Variants in CLIP4 observed in about 807,000 individuals in gnomAD.
CLIP4 encodes CAP-Gly domain-containing linker protein 4.
CLIP4 carries 47 observed loss-of-function variants against 73.1 expected under a neutral mutation model. The ratio of observed to expected loss-of-function variants is 0.64; its 90% CI spans 0.51 to 0.82. The LOEUF (loss-of-function observed/expected upper bound fraction) is 0.82, where lower values mean the gene tolerates loss of function less well. Ranked by LOEUF, CLIP4 falls within the 40% of genes least tolerant of loss-of-function variation. The pLI, the probability that CLIP4 is intolerant of heterozygous loss-of-function variation, is 0.00. For missense variants in CLIP4, 874 were observed against 852.9 expected (o/e 1.02, Z -0.31); for synonymous variants, 306 against 295.4 (o/e 1.04, Z -0.37).
At chr2:29,154,662 A>C (rs774241943) in intron 9 of CLIP4, among the ~76,000 whole-genome samples, 4 of 152,178 alleles carry the variant, frequency 2.6e-5, no homozygotes, top group Non-Finnish European at 5.9e-5. Flanking sequence ...GGGACTCAAG[A>C]AAGAGGCCTC....
At chr2:29,168,524 T>C (rs947235810) in intron 14 of CLIP4, among the ~76,000 whole-genome samples, 10 of 124,294 alleles carry the variant, frequency 8.0e-5, no homozygotes, top group Admixed American at 3.1e-4. Context: ...TTTTTTTTTT[T>C]TTTTTTTTTT....
intron 2 of CLIP4, among the ~76,000 whole-genome samples, chr2:29,125,370 T>C (rs1207235166): frequency 2.0e-5 from 3 of 152,200 alleles, no homozygotes; most frequent in African/African-American, 4.8e-5. Flanking sequence ...CACAAGCATA[T>C]GATGAATAGT....
At chr2:29,106,138 G>T (rs771038645) in intron 1 of CLIP4, among the ~76,000 whole-genome samples, 7 of 150,576 alleles carry the variant, frequency 4.6e-5, no homozygotes, top group Non-Finnish European at 1.0e-4. Flanking sequence ...TTTACTATGT[G>T]ATCTTGGATA....
intron 15 of CLIP4, among the ~76,000 whole-genome samples, chr2:29,181,026 A>G (rs1416022725): frequency 6.6e-6 from 1 of 152,162 alleles, no homozygotes; most frequent in Admixed American, 6.5e-5. Context: ...CTTGCCTGCA[A>G]CAGTTGAAAA....
intron 2 of CLIP4, among the ~76,000 whole-genome samples, chr2:29,124,309 C>G (rs1233011538): frequency 1.1e-4 from 16 of 152,150 alleles, no homozygotes; most frequent in Non-Finnish European, 1.5e-5. Flanking sequence ...CTTGAAAGAT[C>G]TTGCTCTGCT....
intron 8 of CLIP4, among the ~76,000 whole-genome samples, chr2:29,148,462 T>C (rs1666319943): frequency 6.6e-6 from 1 of 152,202 alleles, no homozygotes; most frequent in African/African-American, 2.4e-5. Flanking sequence ...TACTTGGTGG[T>C]ATTACTGTTT....
At chr2:29,147,602 C>G (rs979673535) in intron 8 of CLIP4, among the ~76,000 whole-genome samples, 1 of 151,366 alleles carries the variant, frequency 6.6e-6, no homozygotes, top group Non-Finnish European at 1.5e-5. Context: ...ATAATTGTAC[C>G]TATTTATGGG....
intron 15 of CLIP4, 104 bp from the exon 16 acceptor site, chr2:29,181,468 A>G (rs2148126431): frequency 2.1e-6 from 2 of 930,684 alleles, no homozygotes; most frequent in East Asian, 2.6e-5. Context: ...TCTTTTGGGA[A>G]CTGAGTGAAT....
intron 2 of CLIP4, chr2:29,130,830 C>CA (rs890114961): frequency 2.3e-6 from 3 of 1,288,622 alleles, no homozygotes; most frequent in Admixed American, 2.3e-5. Flanking sequence ...AAAGCAAAAA[C>CA]AAAAAAACCT....
In CLIP4 at chr2:29,156,347, G is replaced by A; in HGVS notation, c.1166-7G>A. Reference sequence around the variant, plus strand: ...CTTGCTTAAAGTGTTTTATTTTTGTGTCCAAGGATTAATGACATCAAAAAA... The same window carrying A: ...CTTGCTTAAAGTGTTTTATTTTTGTATCCAAGGATTAATGACATCAAAAAA... On this transcript the variant is annotated splice_region_variant and splice_polypyrimidine_tract_variant and intron_variant, in intron 9 of 15. Transcript: ENST00000320081. 1.3e-6 allele frequency: 2 copies of A among 1,555,488 alleles called. No homozygotes were observed. The highest frequency in any genetic ancestry group is 1.7e-6 in the Non-Finnish European group (2 of 1,158,668).
At chr2:29,153,715 C>A (rs900679656) in intron 9 of CLIP4, among the ~76,000 whole-genome samples, 2 of 152,152 alleles carry the variant, frequency 1.3e-5, no homozygotes, top group African/African-American at 4.8e-5. Context: ...AAGCTCTCTA[C>A]CAGGATGAAA....
intron 4 of CLIP4, among the ~76,000 whole-genome samples, chr2:29,133,032 T>G (rs1423920856): frequency 6.6e-6 from 1 of 151,782 alleles, no homozygotes; most frequent in Non-Finnish European, 1.5e-5. Context: ...TACAAAAAAT[T>G]AAAAAATTAG....
chr2:29,149,401 TC>T (rs1666389528), intron 8 of CLIP4, among the ~76,000 whole-genome samples: 1 of 140,510 alleles, frequency 7.1e-6, no homozygotes, highest in Non-Finnish European at 1.5e-5. Context: ...TAGTATTTTT[TC>T]TCCTTTTCTT....
At chr2:29,167,360 T>A in intron 13 of CLIP4, 116 bp from the exon 14 acceptor site, 1 of 558,726 alleles carries the variant, frequency 1.8e-6, no homozygotes, top group Non-Finnish European at 3.1e-6. Context: ...AAATGGACCC[T>A]CCATAAATAT....
chr2:29,149,551 A>G (rs1666406956), intron 8 of CLIP4, among the ~76,000 whole-genome samples: 1 of 152,012 alleles, frequency 6.6e-6, no homozygotes, highest in South Asian at 2.1e-4. Flanking sequence ...TGTCTTTCCA[A>G]ATAATTCATC....
intron 2 of CLIP4, among the ~76,000 whole-genome samples, chr2:29,123,177 A>C (rs17007568): frequency 0.046 from 6,962 of 151,624 alleles, 479 homozygotes; most frequent in African/African-American, 0.15. Context: ...TTAGCCTGAA[A>C]CTCCTTAGGC....
intron 1 of CLIP4, among the ~76,000 whole-genome samples, chr2:29,109,776 A>G (rs78568131): frequency 0.016 from 2,438 of 152,166 alleles, 35 homozygotes; most frequent in Middle Eastern, 0.068. Context: ...TTTATAGAAT[A>G]GGGCCGGCAT....
chr2:29,165,975 CA>C (rs35611841), intron 13 of CLIP4, among the ~76,000 whole-genome samples: 25,067 of 146,174 alleles, frequency 0.17, 3,852 homozygotes, highest in African/African-American at 0.43. Context: ...CCCTCTTCTT[CA>C]AAAAAAAAAA....
intron 12 of CLIP4, among the ~76,000 whole-genome samples, chr2:29,163,360 C>A (rs1667409741): frequency 6.6e-6 from 1 of 151,800 alleles, no homozygotes; most frequent in Non-Finnish European, 1.5e-5. Context: ...ATATTTTTGT[C>A]CTTCTTTAAT....
Sources: allele counts gnomAD v4.1 joint callset (sites outside exome capture counted in the v4.1 genomes callset), GRCh38; gene constraint gnomAD v4.1.1; transcripts MANE v1.5; gene names NCBI Gene and HGNC (gene_info 2026-07-23, HGNC 2026-07-21).